The following TRMT1L variants were observed in gnomAD, a reference collection of about 807,000 sequenced individuals.
The protein encoded by TRMT1L is tRNA (guanine(27)-N(2))-dimethyltransferase.
Under a neutral mutation model 81.6 loss-of-function variants are expected in TRMT1L, and 28 were observed. The ratio of observed to expected loss-of-function variants is 0.34; its 90% confidence interval spans 0.25 to 0.47. The LOEUF (loss-of-function observed/expected upper bound fraction) is 0.47. Ranked by LOEUF, TRMT1L falls within the 20% of genes least tolerant of loss-of-function variation. The pLI is 1.00. For missense variants in TRMT1L, 739 were observed against 877.1 expected (o/e 0.84, Z 1.99); for synonymous variants, 301 against 303.2 (o/e 0.99, Z 0.07).
intron 7 of TRMT1L, 66 bp downstream of exon 7, chr1:185,143,291 T>G (rs1257343684): frequency 4.2e-6 from 6 of 1,423,110 alleles, no homozygotes; most frequent in Non-Finnish European, 4.8e-6. Flanking sequence ...CATATATATT[T>G]TCTAAGAAAA....
chr1:185,120,614 A>G, intron 13 of TRMT1L, 105 bp from the exon 14 acceptor site: 1 of 1,000,468 alleles, frequency 1.0e-6, no homozygotes, highest in Non-Finnish European at 1.3e-6. Context: ...CATTATTTCA[A>G]CCTGACTATC....
intron 1 of TRMT1L, among the ~76,000 whole-genome samples, chr1:185,153,376 T>A (rs115081181): frequency 6.6e-6 from 1 of 151,924 alleles, no homozygotes; most frequent in Non-Finnish European, 1.5e-5. Context: ...AAAAATTAAG[T>A]AGAAGGAATC....
intron 10 of TRMT1L, 83 bp from the exon 11 acceptor site, chr1:185,128,830 C>A: frequency 8.5e-7 from 1 of 1,180,414 alleles, no homozygotes; most frequent in Non-Finnish European, 1.2e-6. Flanking sequence ...TAATAATGTG[C>A]AGCTACTATA....
chr1:185,139,450 G>T lies in TRMT1L; in HGVS notation c.1239C>A (p.Ala413=). The T allele has an allele frequency of 6.2e-7, 1 of 1,614,080 alleles. No individual in the cohort carries two copies. The highest frequency in any genetic ancestry group is 8.5e-7 in the Non-Finnish European group (1 of 1,180,012). ...CAATGTTACATCCGTAGTGACGCCG[G>T]GCAACATGCTGTGCCTTGGCATATA... ...SSLYAKAQHV[A]RRHYGCNIVR... The change falls in exon 9 of 15, where the codon GCC becomes GCA. Residue 413 remains alanine, a synonymous_variant. Coordinates refer to ENST00000367506, the MANE Select transcript of TRMT1L (RefSeq NM_030934.5).
chr1:185,156,931 C>T lies in TRMT1L; in HGVS notation c.-219G>A, dbSNP rs1262552516. The T allele has an allele frequency of 4.8e-6, 3 of 626,308 alleles. No homozygotes were observed. The highest frequency in any genetic ancestry group is 7.8e-6 in the Non-Finnish European group (3 of 382,704). The allele number at this position is 626,308 out of a possible 1,614,324, so 38.8% of individuals were successfully genotyped here. On this transcript the variant is annotated 5_prime_UTR_variant, in exon 1 of 15. Coordinates refer to ENST00000367506, the MANE Select transcript of TRMT1L (RefSeq NM_030934.5). ...GGCAGCGATTCCAGATGCCCGTCCG[C>T]TTCCCTTTCCCCGAGGCGTTACGAC...
At position 185,149,416 on chromosome 1, in the gene TRMT1L, C is replaced by T. The variant is rs58083700; in HGVS notation, c.460+963G>A. ...CTTCTGGACTCAAGCAGTCCTACCACCTGAGCCTCTCTAGCAGTTGCAACT... is the reference window on the plus strand; with the variant it reads ...CTTCTGGACTCAAGCAGTCCTACCATCTGAGCCTCTCTAGCAGTTGCAACT... On this transcript the variant is annotated intron_variant, in intron 3 of 14. Transcript: ENST00000367506. Among the ~76,000 whole-genome samples the T allele has an allele frequency of 4.1e-3, 618 of 152,016 alleles. 6 individuals carry two copies. Among genetic ancestry groups the T allele is most frequent in the African/African-American group, 0.014 (581 of 41,448 alleles).
At chr1:185,124,791 A>G (rs948075727) in intron 12 of TRMT1L, 153 bp downstream of exon 12, 1 of 635,714 alleles carries the variant, frequency 1.6e-6, no homozygotes, top group Non-Finnish European at 2.4e-6. Flanking sequence ...TAATTAAAAA[A>G]AAACCAGAGG....
intron 6 of TRMT1L, 73 bp downstream of exon 6, chr1:185,143,833 A>G (rs1055912187): frequency 6.1e-6 from 8 of 1,302,460 alleles, no homozygotes; most frequent in Non-Finnish European, 8.3e-6. Flanking sequence ...ATATATTAGA[A>G]CATAAAGGTT....
chr1:185,123,237 G>C (rs1652542496), intron 13 of TRMT1L, among the ~76,000 whole-genome samples: 1 of 152,142 alleles, frequency 6.6e-6, no homozygotes, highest in African/African-American at 2.4e-5. Context: ...AAAGGCCACT[G>C]CTCTTTCAAA....
At chr1:185,122,305 A>C (rs1652519087) in intron 13 of TRMT1L, among the ~76,000 whole-genome samples, 1 of 152,236 alleles carries the variant, frequency 6.6e-6, no homozygotes, top group South Asian at 2.1e-4. Context: ...TATCATTTTA[A>C]GATTTTATGT....
intron 4 of TRMT1L, among the ~76,000 whole-genome samples, chr1:185,145,829 T>A (rs1653173589): frequency 6.6e-6 from 1 of 151,986 alleles, no homozygotes; most frequent in Admixed American, 6.6e-5. Context: ...TTTCTATAGG[T>A]TGCATTTAAA....
intron 10 of TRMT1L, among the ~76,000 whole-genome samples, chr1:185,130,993 GTTTATT>G (rs1295843651): frequency 6.6e-6 from 1 of 151,732 alleles, no homozygotes; most frequent in African/African-American, 2.4e-5. Flanking sequence ...AAATCCATTG[GTTTATT>G]TTTATTTTTA....
chr1:185,152,490 A>G lies in TRMT1L; in HGVS notation c.236-555T>C, dbSNP rs561108224. On this transcript the variant is annotated intron_variant, in intron 1 of 14. Transcript: ENST00000367506. ...ATGCAGTACAGACCAAGGAAAACAT[A>G]AATTCTACGCAAGTTAGTTTGAACT... 7.2e-5 allele frequency among the ~76,000 whole-genome samples: 11 copies of G among 152,356 alleles called. No homozygotes were observed. In the East Asian group the frequency reaches 2.1e-3, roughly 29 times the overall value.
In TRMT1L at chr1:185,156,765, C is replaced by G; in HGVS notation, c.-53G>C. On this transcript the variant is annotated 5_prime_UTR_variant, in exon 1 of 15. Transcript: ENST00000367506. Reference sequence around the variant, plus strand: ...CGGGGACCCGGAGCGGGGCTCACGGCGGGGTCAGAGAACTGACGTGAATGC... The same window carrying G: ...CGGGGACCCGGAGCGGGGCTCACGGGGGGGTCAGAGAACTGACGTGAATGC... The G allele has an allele frequency of 6.2e-7, 1 of 1,604,302 alleles. No homozygotes were observed. The highest frequency in any genetic ancestry group is 8.5e-7 in the Non-Finnish European group (1 of 1,176,084).
At chr1:185,127,678 G>A (rs1455833585) in intron 11 of TRMT1L, among the ~76,000 whole-genome samples, 1 of 146,272 alleles carries the variant, frequency 6.8e-6, no homozygotes, top group Non-Finnish European at 1.5e-5. Context: ...AAAATTGCTT[G>A]AACCTGGGAG....
chr1:185,156,334 A>C, intron 1 of TRMT1L, 144 bp downstream of exon 1: 2 of 1,572,180 alleles, frequency 1.3e-6, no homozygotes, highest in Admixed American at 1.7e-5. Flanking sequence ...TTTAGCCGCT[A>C]CACGGGCCCC....
At chr1:185,122,716 G>A (rs1331271149) in intron 13 of TRMT1L, among the ~76,000 whole-genome samples, 2 of 127,878 alleles carry the variant, frequency 1.6e-5, no homozygotes, top group East Asian at 4.5e-4. Flanking sequence ...AGACAGTCTC[G>A]ATCTGTCACC....
At chr1:185,136,266 G>A (rs370453590) in intron 10 of TRMT1L, among the ~76,000 whole-genome samples, 4 of 151,960 alleles carry the variant, frequency 2.6e-5, no homozygotes, top group South Asian at 2.1e-4. Context: ...AAAAGTAGCC[G>A]GGCATGGTGG....
intron 10 of TRMT1L, among the ~76,000 whole-genome samples, chr1:185,132,900 T>C (rs1652808670): frequency 6.6e-6 from 1 of 152,222 alleles, no homozygotes; most frequent in African/African-American, 2.4e-5. Flanking sequence ...GGATCTGCGA[T>C]AGGAGATTTA....
Sources: gnomAD v4.1 joint callset for allele counts (sites outside exome capture counted in the v4.1 genomes callset) on GRCh38, gnomAD v4.1.1 for gene constraint, MANE v1.5 for transcripts, NCBI Gene and HGNC (gene_info 2026-07-23, HGNC 2026-07-21) for gene names.